DMXL1: variants seen among roughly 807,000 people sequenced by gnomAD.
DMXL1 encodes dmX-like protein 1.
In DMXL1, 99 loss-of-function variants were observed where a neutral mutation model predicts 319.2. That is an observed-to-expected ratio of 0.31 (90% CI 0.26 to 0.37). The LOEUF (loss-of-function observed/expected upper bound fraction) is 0.37, where lower values mean the gene tolerates loss of function less well. DMXL1 is among the 10% of genes least tolerant of loss of function. The probability of loss-of-function intolerance (pLI) is 1.00; values close to 1 mark genes in which losing one functional copy is unlikely to be tolerated. For missense variants in DMXL1, 3,745 were observed against 3,595.6 expected, an observed-to-expected ratio of 1.04 and a Z score of -1.06; for synonymous variants, 1,385 against 1,235.2, an observed-to-expected ratio of 1.12 and a Z score of -2.54.
intron 42 of DMXL1, among the ~76,000 whole-genome samples, chr5:119,241,920 CAGT>C (rs1291952297): frequency 6.6e-6 from 1 of 152,122 alleles, no homozygotes; most frequent in East Asian, 1.9e-4. Context: ...TAAATTATAA[CAGT>C]AGTACAGTAT....
Position 119,193,836 on chromosome 5 carries a change from A to G in DMXL1, c.7323A>G (p.Leu2441=). 1 of 1,611,988 alleles carries G rather than the reference A, an allele frequency of 6.2e-7. No individual in the cohort carries two copies. The highest frequency in any genetic ancestry group is 8.5e-7 in the Non-Finnish European group (1 of 1,179,342). Residue 2441 remains leucine (L), a synonymous_variant, in exon 30 of 44, where the codon CTA becomes CTG. Coordinates refer to ENST00000539542, the MANE Select transcript of DMXL1 (RefSeq NM_001290321.3). ...TGATTTCTTTATTTTAGCCTTTTCT[A>G]CCCTCTTCTCAAAGTAGAGCCGAAT... ...IWDYFIAKPF[L]PSSQSRAEYD...
At chr5:119,229,011 T>C (rs1247711494) in intron 38 of DMXL1, among the ~76,000 whole-genome samples, 1 of 151,866 alleles carries the variant, frequency 6.6e-6, no homozygotes, top group Non-Finnish European at 1.5e-5. Flanking sequence ...CACAGGAAAT[T>C]ATCTTGATAA....
chr5:119,210,782 A>G (rs976041062), intron 34 of DMXL1, among the ~76,000 whole-genome samples: 3 of 23,816 alleles, frequency 1.3e-4, no homozygotes, highest in South Asian at 1.3e-3. Flanking sequence ...TTTTTGCCTT[A>G]TCACTCTGAC....
At chr5:119,168,131 A>G (rs559501130) in intron 23 of DMXL1, among the ~76,000 whole-genome samples, 2 of 152,360 alleles carry the variant, frequency 1.3e-5, no homozygotes, top group South Asian at 4.1e-4. Context: ...CATTTTGAAG[A>G]AATACTGTTA....
intron 18 of DMXL1, 57 bp from the exon 19 acceptor site, chr5:119,151,872 G>C: frequency 8.8e-7 from 1 of 1,142,264 alleles, no homozygotes; most frequent in Non-Finnish European, 1.3e-6. Context: ...TATATTGGGT[G>C]TTCTTTTGCT....
At chr5:119,072,997 G>C (rs1215906493) in intron 1 of DMXL1, among the ~76,000 whole-genome samples, 1 of 152,134 alleles carries the variant, frequency 6.6e-6, no homozygotes, top group Non-Finnish European at 1.5e-5. Context: ...GGATAATATT[G>C]TTGCATTCTC....
At chr5:119,225,173 C>A (rs1353423326) in intron 38 of DMXL1, among the ~76,000 whole-genome samples, 2 of 151,934 alleles carry the variant, frequency 1.3e-5, no homozygotes, top group Non-Finnish European at 2.9e-5. Flanking sequence ...AAGCCACAAC[C>A]GTACCTCAAT....
chr5:119,173,804 A>G (rs1775235017), intron 25 of DMXL1, among the ~76,000 whole-genome samples: 1 of 133,432 alleles, frequency 7.5e-6, no homozygotes, highest in African/African-American at 2.7e-5. Flanking sequence ...ATATAATGAG[A>G]GAGAGATTTA....
chr5:119,154,032 G>A (rs1022700474), intron 19 of DMXL1, among the ~76,000 whole-genome samples: 11 of 152,170 alleles, frequency 7.2e-5, no homozygotes, highest in African/African-American at 2.7e-4. Flanking sequence ...CATGAACTGC[G>A]CCTATGTAGG....
At chr5:119,141,752 A>G (rs934520775) in intron 13 of DMXL1, among the ~76,000 whole-genome samples, 6 of 152,204 alleles carry the variant, frequency 3.9e-5, no homozygotes, top group African/African-American at 9.6e-5. Flanking sequence ...TCACAGAACT[A>G]GAGAAACCTA....
In DMXL1 at chr5:119,200,658, G is replaced by A. The variant is rs556016810; in HGVS notation, c.7746-2661G>A. 4.7e-4 allele frequency among the ~76,000 whole-genome samples: 71 copies of A among 152,214 alleles called. 1 individual carries two copies. In the South Asian group the frequency reaches 0.014, roughly 31 times the overall value. ...AGCATTGAATCTGTAAATTGCTTTG[G>A]GCAATATGGCCAGTTTAATGATATT... is the stretch of plus-strand genomic sequence containing the variant. On this transcript the variant is annotated intron_variant, in intron 32 of 43. Coordinates refer to ENST00000539542, the MANE Select transcript of DMXL1 (RefSeq NM_001290321.3).
chr5:119,077,690 G>GTGTGTA (rs1228071594), intron 1 of DMXL1, among the ~76,000 whole-genome samples: 1 of 140,746 alleles, frequency 7.1e-6, no homozygotes, highest in African/African-American at 2.7e-5. Flanking sequence ...GTGTGTGTGT[G>GTGTGTA]TGTGTATGTG....
At chr5:119,204,722 G>C (rs777279274) in intron 33 of DMXL1, among the ~76,000 whole-genome samples, 2 of 152,148 alleles carry the variant, frequency 1.3e-5, no homozygotes, top group East Asian at 1.9e-4. Context: ...TCCTGGACTG[G>C]TAACGAAGAG....
intron 18 of DMXL1, among the ~76,000 whole-genome samples, chr5:119,151,504 C>T (rs998141035): frequency 3.3e-5 from 5 of 152,006 alleles, no homozygotes; most frequent in Non-Finnish European, 5.9e-5. Flanking sequence ...TTAGTTTTTG[C>T]TTCAAGGAAA....
intron 30 of DMXL1, among the ~76,000 whole-genome samples, chr5:119,195,089 A>G (rs1052648029): frequency 1.3e-5 from 2 of 152,156 alleles, no homozygotes; most frequent in African/African-American, 4.8e-5. Context: ...CAAAAACAAA[A>G]AAAATAACAG....
At chr5:119,087,431 T>C (rs1175710258) in intron 1 of DMXL1, among the ~76,000 whole-genome samples, 1 of 152,214 alleles carries the variant, frequency 6.6e-6, no homozygotes, top group Admixed American at 6.5e-5. Context: ...TTGTTATTGA[T>C]CCATTGGTCA....
At chr5:119,168,528 T>C (rs1773892491) in intron 23 of DMXL1, among the ~76,000 whole-genome samples, 1 of 152,228 alleles carries the variant, frequency 6.6e-6, no homozygotes, top group Admixed American at 6.5e-5. Context: ...GTCTAGTTCA[T>C]AGATTTTTAT....
chr5:119,110,770 A>T (rs921348270), intron 5 of DMXL1, among the ~76,000 whole-genome samples: 6 of 152,240 alleles, frequency 3.9e-5, no homozygotes, highest in African/African-American at 1.4e-4. Context: ...AATGAATTCT[A>T]ATGCCACAGA....
chr5:119,125,213 A>T (rs926256520), intron 9 of DMXL1, among the ~76,000 whole-genome samples: 2 of 152,214 alleles, frequency 1.3e-5, no homozygotes, highest in Non-Finnish European at 2.9e-5. Context: ...ATAGCTAAAT[A>T]CAGAATGGTG....
Sources: gnomAD v4.1 joint callset for allele counts (sites outside exome capture counted in the v4.1 genomes callset) on GRCh38, gnomAD v4.1.1 for gene constraint, MANE v1.5 for transcripts, NCBI Gene and HGNC (gene_info 2026-07-23, HGNC 2026-07-21) for gene names.